Variants in ADGRE5 observed in about 807,000 individuals in gnomAD.
ADGRE5 encodes the protein adhesion G protein-coupled receptor E5.
Under a neutral mutation model 100.3 loss-of-function variants are expected in ADGRE5, and 72 were observed. That is an observed-to-expected ratio of 0.72 (90% confidence interval 0.59 to 0.87). The LOEUF (loss-of-function observed/expected upper bound fraction) is 0.87, where lower values mean the gene tolerates loss of function less well. ADGRE5 is among the 40% of genes least tolerant of loss of function. ADGRE5 has a pLI of 0.00. For synonymous variants in ADGRE5, 439 were observed against 447.8 expected (o/e 0.98, Z 0.25); for missense variants, 959 against 1,094.7 (o/e 0.88, Z 1.75).
chr19:14,390,763 A>G (rs1167806908), intron 3 of ADGRE5, among the ~76,000 whole-genome samples, 161 bp from the exon 4 acceptor site: 1 of 152,192 alleles, frequency 6.6e-6, no homozygotes, highest in Admixed American at 6.5e-5. Flanking sequence ...GTCTTCAGGA[A>G]TGGCTTGCTC....
chr19:14,391,277 C>A, intron 4 of ADGRE5, 198 bp downstream of exon 4: 1 of 686,216 alleles, frequency 1.5e-6, no homozygotes, highest in Non-Finnish European at 2.4e-6. Context: ...ACTCTGGGAC[C>A]AGCTGCCTGG....
rs768330923 is a variant in ADGRE5 at position 14,406,935 on chromosome 19, G to C, written c.2182G>C (p.Asp728His). Residue 728 changes from aspartate (D) to histidine (H), a missense_variant, in exon 17 of 20, where the codon GAC (aspartate) becomes CAC (histidine). By Grantham distance (81) the Asp-to-His change is moderately conservative (BLOSUM62 -1). Around this residue, in one of 6 missense-constraint regions of ADGRE5, gnomAD observed 428 missense variants for 386.2 expected, o/e 1.11. Transcript: ENST00000242786. The surrounding 1 kb of genome is among the most constrained non-coding windows in gnomAD (Gnocchi z 6.0). ...LTQKFSEINP[D>H]MKKLKKARAL... ...TCAGAAGTTTTCTGAAATCAATCCAGACATGAAGAAATTAAAGAAGGCGAG... is the reference window on the plus strand; with the variant it reads ...TCAGAAGTTTTCTGAAATCAATCCACACATGAAGAAATTAAAGAAGGCGAG... 1 of 1,614,174 alleles carries C rather than the reference G, an allele frequency of 6.2e-7. No individual in the cohort carries two copies.
At chr19:14,399,625 C>G (rs1230600041) in intron 9 of ADGRE5, among the ~76,000 whole-genome samples, 1 of 139,966 alleles carries the variant, frequency 7.1e-6, no homozygotes, top group South Asian at 2.5e-4. Context: ...CGCCTGTAAT[C>G]TCAGCTACTC....
At chr19:14,400,315 C>G (rs1010707081) in intron 9 of ADGRE5, among the ~76,000 whole-genome samples, 6 of 151,900 alleles carry the variant, frequency 3.9e-5, no homozygotes, top group Admixed American at 1.3e-4. Flanking sequence ...CCACCGCGCC[C>G]AGCCATTTTT....
chr19:14,407,317 T>A, intron 18 of ADGRE5, 88 bp downstream of exon 18: 1 of 1,459,700 alleles, frequency 6.9e-7, no homozygotes, highest in Non-Finnish European at 9.5e-7. Flanking sequence ...GCCCAGAAGT[T>A]GGAGACCAGC....
At chr19:14,381,976 T>G (rs1975175680) in intron 1 of ADGRE5, among the ~76,000 whole-genome samples, 1 of 152,148 alleles carries the variant, frequency 6.6e-6, no homozygotes, top group Admixed American at 6.5e-5. Context: ...TACCCCCAAT[T>G]TGTCCCTCGC....
rs1975694493 is a variant in ADGRE5 at position 14,394,124 on chromosome 19, G to T, written c.347-2218G>T. ...AGGTGTGTTGCTGTGTTAGAAACAG[G>T]CCTGGGCTGAGAGAAGGGGACTCAG... On this transcript the variant is annotated intron_variant, in intron 4 of 19. Transcript: ENST00000242786. Among the ~76,000 whole-genome samples the T allele has an allele frequency of 2.0e-5, 3 of 152,128 alleles. 1 individual carries two copies. The South Asian group carries it at 6.2e-4, about 31-fold the overall frequency.
In ADGRE5 at chr19:14,406,208, C is replaced by T; in HGVS notation, c.1822-123C>T. On this transcript the variant is annotated intron_variant, in intron 14 of 19. Coordinates refer to ENST00000242786, the MANE Select transcript of ADGRE5 (RefSeq NM_078481.4). The surrounding 1 kb of genome is among the most constrained non-coding windows in gnomAD (Gnocchi z 6.0). ...CTGGGGGGAAACCTGGCCCCCGCTCCAGACCCGCCCACCCTCCGGCTGTGG... is the reference window on the plus strand; with the variant it reads ...CTGGGGGGAAACCTGGCCCCCGCTCTAGACCCGCCCACCCTCCGGCTGTGG... 1 of 833,982 alleles carries T rather than the reference C, an allele frequency of 1.2e-6. No individual in the cohort carries two copies. Among genetic ancestry groups the T allele is most frequent in the East Asian group, 2.7e-5 (1 of 37,232 alleles). The allele number at this position is 833,982 out of a possible 1,614,324, so 51.7% of individuals were successfully genotyped here.
chr19:14,405,734 G>C lies in ADGRE5; in HGVS notation c.1630-14G>C. On this transcript the variant is annotated splice_polypyrimidine_tract_variant and intron_variant, in intron 13 of 19. Coordinates refer to ENST00000242786, the MANE Select transcript of ADGRE5 (RefSeq NM_078481.4). Reference sequence around the variant, plus strand: ...TGCCCTGAAGGAACCCTGAGCACCCGGTGCCACTCCTAGGACTGGAAGCTG... The same window carrying C: ...TGCCCTGAAGGAACCCTGAGCACCCCGTGCCACTCCTAGGACTGGAAGCTG... 1 of 1,600,420 alleles carries C rather than the reference G, an allele frequency of 6.2e-7. No homozygotes were observed. Among genetic ancestry groups the C allele is most frequent in the Non-Finnish European group, 8.5e-7 (1 of 1,170,968 alleles).
chr19:14,395,413 C>T (rs2146359795), intron 4 of ADGRE5, among the ~76,000 whole-genome samples: 1 of 152,272 alleles, frequency 6.6e-6, no homozygotes, highest in South Asian at 2.1e-4. Flanking sequence ...GTCCCAGGCC[C>T]GATCCTCTCC....
chr19:14,384,484 C>T (rs1245095141), intron 1 of ADGRE5, among the ~76,000 whole-genome samples: 2 of 152,128 alleles, frequency 1.3e-5, no homozygotes, highest in Non-Finnish European at 2.9e-5. Context: ...TGTCCTGGTC[C>T]CCATCCCTCT....
chr19:14,401,372 C>T lies in ADGRE5; in HGVS notation c.898-14C>T, dbSNP rs754893876. On this transcript the variant is annotated splice_polypyrimidine_tract_variant and intron_variant, in intron 9 of 19. Coordinates refer to ENST00000242786, the MANE Select transcript of ADGRE5 (RefSeq NM_078481.4). This position sits in a 1 kb window ranked among gnomAD's most constrained non-coding sequence, Gnocchi z 4.1. The stretch of plus-strand genomic sequence containing the variant: ...TCTGATGCTCCAGCGATTCTGTCAC[C>T]CGCCACCCCCTAGAATGTCATCAAA... 6.2e-7 allele frequency: 1 copy of T among 1,612,044 alleles called. No homozygotes were observed. The highest frequency in any genetic ancestry group is 1.1e-5 in the South Asian group (1 of 90,844).
At chr19:14,402,299 G>T (rs1004447099) in intron 11 of ADGRE5, among the ~76,000 whole-genome samples, 13 of 152,040 alleles carry the variant, frequency 8.6e-5, no homozygotes, top group African/African-American at 3.1e-4. Flanking sequence ...GCTGGGAGTG[G>T]TGGCAGGTGC....
chr19:14,393,745 C>T (rs906733140), intron 4 of ADGRE5, among the ~76,000 whole-genome samples: 5 of 152,168 alleles, frequency 3.3e-5, no homozygotes, highest in South Asian at 2.1e-4. Flanking sequence ...ATACCTGGGA[C>T]GTACACCTGC....
chr19:14,395,986 C>A (rs1029412490), intron 4 of ADGRE5, among the ~76,000 whole-genome samples: 2 of 152,230 alleles, frequency 1.3e-5, no homozygotes, highest in Admixed American at 6.5e-5. Context: ...CCGTTGGGAA[C>A]CAAGACGTGT....
Position 14,404,478 on chromosome 19 carries a change from G to C in ADGRE5, c.1545G>C (p.Val515=). Reference sequence around the variant, plus strand: ...ACTGGGCCACCGAGGGCTGCCAGGTGCTGGGCAGCAAGAACGGCAGCACCA... The same window carrying C: ...ACTGGGCCACCGAGGGCTGCCAGGTCCTGGGCAGCAAGAACGGCAGCACCA... ...GGHWATEGCQ[V]LGSKNGSTTC... is the part of the protein sequence containing the mutation. Residue 515 remains valine (V), a synonymous_variant, in exon 13 of 20, where the codon GTG becomes GTC. Transcript: ENST00000242786. 1 of 1,612,432 alleles carries C rather than the reference G, an allele frequency of 6.2e-7. No homozygotes were observed. The highest frequency in any genetic ancestry group is 8.5e-7 in the Non-Finnish European group (1 of 1,179,574).
chr19:14,384,846 CTTA>C (rs1975279461), intron 1 of ADGRE5, among the ~76,000 whole-genome samples: 1 of 151,238 alleles, frequency 6.6e-6, no homozygotes, highest in Admixed American at 6.6e-5. Context: ...TCTCCTCTGT[CTTA>C]TATTTCTCTA....
At chr19:14,386,296 G>A (rs1009526994) in intron 1 of ADGRE5, among the ~76,000 whole-genome samples, 3 of 148,802 alleles carry the variant, frequency 2.0e-5, no homozygotes, top group Admixed American at 6.7e-5. Flanking sequence ...GGAGAATGGC[G>A]TGAACCCGGG....
Position 14,403,416 on chromosome 19 carries a change from G to A in ADGRE5, c.1449+554G>A, listed in dbSNP as rs560605580. On this transcript the variant is annotated intron_variant, in intron 12 of 19. Coordinates refer to ENST00000242786, the MANE Select transcript of ADGRE5 (RefSeq NM_078481.4). ...GGCCCAGGCTGGAGTGCAGTGGCGC[G>A]ATTATAGCTCACTGCAACCTCGAAC... Among the ~76,000 whole-genome samples, 38 of 151,460 alleles carry A rather than the reference G, an allele frequency of 2.5e-4. No homozygotes were observed. The East Asian group carries it at 6.5e-3, about 26-fold the overall frequency.
Sources: gnomAD v4.1 joint callset for allele counts (sites outside exome capture counted in the v4.1 genomes callset) on GRCh38, gnomAD v4.1.1 for gene constraint, gnomAD v4.1.1 regional missense constraint, Gnocchi (gnomAD v3.1) non-coding constraint, MANE v1.5 for transcripts, NCBI Gene and HGNC (gene_info 2026-07-23, HGNC 2026-07-21) for gene names.